GLIS3: variants seen among roughly 807,000 people sequenced by gnomAD.
The protein encoded by GLIS3 is GLIS family zinc finger 3, also known as zinc finger protein GLIS3.
GLIS3 carries 53 observed loss-of-function variants against 78.6 expected under a neutral mutation model. The ratio of observed to expected loss-of-function variants is 0.67; its 90% CI spans 0.54 to 0.85. The LOEUF (loss-of-function observed/expected upper bound fraction) is 0.85, where lower values mean the gene tolerates loss of function less well. GLIS3 is among the 40% of genes least tolerant of loss of function. GLIS3 has a pLI of 0.00. For synonymous variants in GLIS3, 684 were observed against 509.9 expected (o/e 1.34, Z -4.60); for missense variants, 1,703 against 1,231.1 (o/e 1.38, Z -5.74).
chr9:3,901,502 C>T (rs992793415), intron 6 of GLIS3, among the ~76,000 whole-genome samples: 1 of 152,136 alleles, frequency 6.6e-6, no homozygotes, highest in Non-Finnish European at 1.5e-5. Flanking sequence ...TATACATTAC[C>T]AGCACACCAC....
intron 2 of GLIS3, among the ~76,000 whole-genome samples, chr9:4,201,964 C>T (rs1338131052): frequency 6.6e-6 from 1 of 151,908 alleles, no homozygotes; most frequent in Non-Finnish European, 1.5e-5. Context: ...ATAGTGAAAC[C>T]CCATCTCTAC....
intron 1 of GLIS3, among the ~76,000 whole-genome samples, chr9:4,295,804 T>G (rs913394111): frequency 6.6e-6 from 1 of 152,242 alleles, no homozygotes. Flanking sequence ...TTGTGTCAAC[T>G]CTGCCTAAAG....
the GLIS3 span, among the ~76,000 whole-genome samples, chr9:4,419,257 A>C: frequency 1.1e-4 from 17 of 152,172 alleles, no homozygotes; most frequent in Non-Finnish European, 1.9e-4. Flanking sequence ...TCTCTTTTGA[A>C]CAAAAAGCAC....
chr9:4,065,940 C>G lies in GLIS3; in HGVS notation c.1710+51828G>C, dbSNP rs73390490. Among the ~76,000 whole-genome samples the G allele has an allele frequency of 7.2e-3, 1,086 of 150,512 alleles. 10 individuals carry two copies. Among genetic ancestry groups the G allele is most frequent in the African/African-American group, 0.022 (903 of 41,006 alleles). Reference sequence around the variant, plus strand: ...CAAGGATAGGAAAATAGATTTTTGGCACATAAAAAATATGAGACTTCCTGG... The same window carrying G: ...CAAGGATAGGAAAATAGATTTTTGGGACATAAAAAATATGAGACTTCCTGG... On this transcript the variant is annotated intron_variant, in intron 4 of 10. Coordinates refer to ENST00000381971, the MANE Select transcript of GLIS3 (RefSeq NM_001042413.2).
At chr9:3,907,605 AACACACACACACACACACAG>A (rs1490121668) in intron 6 of GLIS3, among the ~76,000 whole-genome samples, 93 of 92,314 alleles carry the variant, frequency 1.0e-3, no homozygotes, top group East Asian at 3.4e-3. Context: ...CCACCCCCCA[AACACACACACACACACACAG>A]ACACACACAC....
At chr9:4,181,671 T>C (rs1435109546) in intron 2 of GLIS3, among the ~76,000 whole-genome samples, 1 of 152,252 alleles carries the variant, frequency 6.6e-6, no homozygotes, top group African/African-American at 2.4e-5. Flanking sequence ...CTATATATTC[T>C]TTGAAGCCGT....
At chr9:4,435,235 G>C in the GLIS3 span, among the ~76,000 whole-genome samples, 3 of 151,934 alleles carry the variant, frequency 2.0e-5, no homozygotes, top group Non-Finnish European at 4.4e-5. Context: ...TCTCCTTTTC[G>C]CACTCCCCAA....
At chr9:4,315,376 A>G (rs180729651) in intron 2 of GLIS3, among the ~76,000 whole-genome samples, 7,897 of 152,128 alleles carry the variant, frequency 0.052, 702 homozygotes, top group African/African-American at 0.18. Flanking sequence ...TAGTATTTCA[A>G]GGCCTGCTCA....
the GLIS3 span, among the ~76,000 whole-genome samples, chr9:4,354,006 T>TTTTTA: frequency 6.6e-6 from 1 of 150,778 alleles, no homozygotes; most frequent in Non-Finnish European, 1.5e-5. Flanking sequence ...TTTTTTTTTT[T>TTTTTA]TTTGTATTTT....
At chr9:4,255,670 T>C (rs952141727) in intron 2 of GLIS3, among the ~76,000 whole-genome samples, 4 of 152,024 alleles carry the variant, frequency 2.6e-5, no homozygotes, top group African/African-American at 7.3e-5. Context: ...GGCAAAACTA[T>C]AGAGAGTAAA....
rs150391061 is a variant in GLIS3 at position 4,320,732 on chromosome 9, G to A, written n.265-10204C>T. ...TCTCTACTATCACTGCCAGCACCCC[G>A]GGAACCATCACCATCATTATCACTG... On this transcript the variant is annotated intron_variant and non_coding_transcript_variant, in intron 2 of 4. Transcript: ENST00000471664. Among the ~76,000 whole-genome samples the A allele has an allele frequency of 7.4e-4, 113 of 151,774 alleles. No individual in the cohort carries two copies. The East Asian group carries it at 7.8e-3, about 10-fold the overall frequency.
the GLIS3 span, among the ~76,000 whole-genome samples, chr9:4,371,258 G>A: frequency 6.6e-6 from 1 of 152,142 alleles, no homozygotes; most frequent in Non-Finnish European, 1.5e-5. Flanking sequence ...CTGGCTGACT[G>A]GGACAGGAGG....
rs1359065112 is a variant in GLIS3 at position 4,047,651 on chromosome 9, C to G, written c.1710+70117G>C. ...ATGGTTCCTGACCTGAAGAAGCTCA[C>G]AATCTAGGGAAAGAAAAAACTGTAA... On this transcript the variant is annotated intron_variant, in intron 4 of 10. Transcript: ENST00000381971. 1.3e-5 allele frequency among the ~76,000 whole-genome samples: 2 copies of G among 152,058 alleles called. 1 individual carries two copies. The highest frequency in any genetic ancestry group is 2.9e-5 in the Non-Finnish European group (2 of 68,018).
At chr9:4,217,011 C>T (rs1381117487) in intron 2 of GLIS3, among the ~76,000 whole-genome samples, 3 of 152,172 alleles carry the variant, frequency 2.0e-5, no homozygotes, top group African/African-American at 4.8e-5. Flanking sequence ...TCAGCTGCTA[C>T]CAGGACTTGT....
At chr9:4,213,927 CA>C (rs56146504) in intron 2 of GLIS3, among the ~76,000 whole-genome samples, 58,199 of 137,924 alleles carry the variant, frequency 0.42, 11,836 homozygotes, top group South Asian at 0.55. Flanking sequence ...AACACAGAAG[CA>C]AAAAAAAAAA....
chr9:4,254,229 T>G (rs891288447), intron 2 of GLIS3, among the ~76,000 whole-genome samples: 35 of 152,180 alleles, frequency 2.3e-4, no homozygotes, highest in African/African-American at 7.5e-4. Flanking sequence ...ATAACCTCTA[T>G]TAGTAAAACC....
At chr9:4,302,776 G>C (rs1260596079), upstream of GLIS3, among the ~76,000 whole-genome samples, 1 of 152,220 alleles carries the variant, frequency 6.6e-6, no homozygotes, top group Non-Finnish European at 1.5e-5. Flanking sequence ...GGTGTATAAA[G>C]TGCAAAGCAT....
chr9:3,960,843 T>C (rs1292897276), intron 4 of GLIS3, among the ~76,000 whole-genome samples: 6 of 152,172 alleles, frequency 3.9e-5, no homozygotes, highest in Admixed American at 3.9e-4. Context: ...AAAGATCCAG[T>C]TGTTTCTTTC....
chr9:4,061,986 C>T (rs1410005423), intron 4 of GLIS3, among the ~76,000 whole-genome samples: 2 of 152,184 alleles, frequency 1.3e-5, no homozygotes, highest in Non-Finnish European at 2.9e-5. Flanking sequence ...GGTGGCAGGA[C>T]TCCTCATCCT....
Sources: gnomAD v4.1 joint callset for allele counts (sites outside exome capture counted in the v4.1 genomes callset) on GRCh38, gnomAD v4.1.1 for gene constraint, MANE v1.5 for transcripts, NCBI Gene and HGNC (gene_info 2026-07-23, HGNC 2026-07-21) for gene names.